Variants in IL17B observed in about 807,000 individuals in gnomAD.
IL17B encodes the protein interleukin 17B, also known as interleukin-17B.
In IL17B, 14 loss-of-function variants were observed where a neutral mutation model predicts 14.7. That is an observed-to-expected ratio of 0.95 (90% confidence interval 0.63 to 1.49). IL17B has a LOEUF of 1.49. IL17B is among the 40% of genes most tolerant of loss of function. The pLI is 0.00. For missense variants in IL17B, 233 were observed against 252.8 expected, an observed-to-expected ratio of 0.92 and a Z score of 0.53; for synonymous variants, 105 against 94.8, an observed-to-expected ratio of 1.11 and a Z score of -0.62.
chr5:149,395,460 A>G (rs1759073789), intron 1 of IL17B, among the ~76,000 whole-genome samples: 1 of 152,144 alleles, frequency 6.6e-6, no homozygotes, highest in African/African-American at 2.4e-5. Context: ...CAGACCACAG[A>G]TTTGGTAGAA....
intron 1 of IL17B, among the ~76,000 whole-genome samples, chr5:149,403,179 G>GGCTCAAGTGATCCTCCCAC (rs1759249701): frequency 6.6e-6 from 1 of 151,980 alleles, no homozygotes; most frequent in Non-Finnish European, 1.5e-5. Context: ...CTGCCTCCCA[G>GGCTCAAGTGATCCTCCCAC]GCTCAAGTGA....
At chr5:149,384,909 C>A (rs1758790092) in intron 1 of IL17B, among the ~76,000 whole-genome samples, 1 of 131,784 alleles carries the variant, frequency 7.6e-6, no homozygotes, top group African/African-American at 2.8e-5. Flanking sequence ...GGTTGTTGAG[C>A]TTTTTTTTTT....
At chr5:149,377,158 C>T in intron 1 of IL17B, 133 bp from the exon 2 acceptor site, 3 of 683,014 alleles carry the variant, frequency 4.4e-6, no homozygotes, top group Non-Finnish European at 7.2e-6. Flanking sequence ...TACCATCCCC[C>T]AGCTCTCCCT....
chr5:149,403,546 G>T (rs1273551996), intron 1 of IL17B, among the ~76,000 whole-genome samples: 1 of 152,142 alleles, frequency 6.6e-6, no homozygotes, highest in Non-Finnish European at 1.5e-5. Flanking sequence ...AGAACATATG[G>T]GGCTTGATTT....
upstream of IL17B, among the ~76,000 whole-genome samples, chr5:149,381,919 T>G (rs1305396704): frequency 6.6e-6 from 1 of 152,170 alleles, no homozygotes; most frequent in Non-Finnish European, 1.5e-5. Flanking sequence ...TCCTTGGGTC[T>G]TAACACGCAG....
chr5:149,386,581 T>G (rs1758832350), intron 1 of IL17B, among the ~76,000 whole-genome samples: 1 of 152,186 alleles, frequency 6.6e-6, no homozygotes, highest in Non-Finnish European at 1.5e-5. Context: ...TATAAGTTTC[T>G]AGGAGCTGTG....
intron 1 of IL17B, among the ~76,000 whole-genome samples, chr5:149,401,114 G>A (rs1403981179): frequency 2.6e-5 from 4 of 152,186 alleles, no homozygotes; most frequent in Non-Finnish European, 5.9e-5. Flanking sequence ...ACTTCTGATG[G>A]CAGTAGAGGT....
chr5:149,379,314 A>T, upstream of IL17B: 1 of 1,500,414 alleles, frequency 6.7e-7, no homozygotes, highest in Non-Finnish European at 9.2e-7. Flanking sequence ...GATGGAGCGA[A>T]GCAATTATAG....
intron 1 of IL17B, among the ~76,000 whole-genome samples, chr5:149,390,225 CCTCCCT>C (rs931758318): frequency 3.4e-5 from 5 of 146,684 alleles, no homozygotes; most frequent in African/African-American, 1.3e-4. Flanking sequence ...TGACCCCCCC[CCTCCCT>C]GTCCCTGGGG....
At chr5:149,383,849 G>A (rs1468496083), upstream of IL17B, among the ~76,000 whole-genome samples, 2 of 152,242 alleles carry the variant, frequency 1.3e-5, no homozygotes, top group African/African-American at 4.8e-5. Flanking sequence ...ATGTGAGTTG[G>A]GGTAGGACTC....
Position 149,374,847 on chromosome 5 carries a change from G to A in IL17B, c.312-247C>T, listed in dbSNP as rs985177785. The stretch of plus-strand genomic sequence containing the variant: ...ACCAGTCACCCAGCTTCCTTCTTTC[G>A]TGCAGCCAGATGCCCATCCCAGTAC... On this transcript the variant is annotated intron_variant, in intron 2 of 2. Transcript: ENST00000261796. This position sits in a 1 kb window ranked among gnomAD's most constrained non-coding sequence, Gnocchi z 5.0. The A allele has an allele frequency of 7.8e-5, 38 of 484,100 alleles. No homozygotes were observed. Among genetic ancestry groups the A allele is most frequent in the African/African-American group, 3.3e-4 (17 of 52,288 alleles). The allele number at this position is 484,100 out of a possible 1,614,324, so 30.0% of individuals were successfully genotyped here.
chr5:149,374,557 C>T lies in IL17B; in HGVS notation c.355G>A (p.Ala119Thr). 1 of 1,613,030 alleles carries T rather than the reference C, an allele frequency of 6.2e-7. No homozygotes were observed. The highest frequency in any genetic ancestry group is 8.5e-7 in the Non-Finnish European group (1 of 1,179,710). ...ACACAGCCCAGACACAGGCACCGTG[C>T]CTCCGGCAGGTCCACGGGGATACGG... is the stretch of plus-strand genomic sequence containing the variant. ...PSRIPVDLPE[A>T]RCLCLGCVNP... The change falls in exon 3 of 3, where the codon GCA becomes ACA. Residue 119 changes from alanine to threonine, a missense_variant. Ala to Thr is a moderately conservative substitution (Grantham distance 58). Transcript: ENST00000261796. This position sits in a 1 kb window ranked among gnomAD's most constrained non-coding sequence, Gnocchi z 5.0.
upstream of IL17B, among the ~76,000 whole-genome samples, chr5:149,381,119 C>T (rs964103516): frequency 5.9e-5 from 9 of 152,234 alleles, no homozygotes; most frequent in African/African-American, 2.2e-4. Context: ...CCCATATCCA[C>T]AGAACAGTGG....
rs960523837 is a variant in IL17B, at chr5:149,379,267, G to A, written c.-42C>T. On this transcript the variant is annotated 5_prime_UTR_variant, in exon 1 of 3. Transcript: ENST00000261796. Reference sequence around the variant, plus strand: ...GTCAGCCTGCAGCTGCTGCCCGCCTGGAACCCCAGATGCCGCCGAGAGAAT... The same window carrying A: ...GTCAGCCTGCAGCTGCTGCCCGCCTAGAACCCCAGATGCCGCCGAGAGAAT... 3 of 1,612,836 alleles carry A rather than the reference G, an allele frequency of 1.9e-6. No individual in the cohort carries two copies. Among genetic ancestry groups the A allele is most frequent in the African/African-American group, 1.3e-5 (1 of 74,870 alleles).
Position 149,376,950 on chromosome 5 carries a change from C to G in IL17B, c.97G>C (p.Gly33Arg), listed in dbSNP as rs147176226. 7.8e-5 allele frequency: 125 copies of G among 1,609,280 alleles called. No individual in the cohort carries two copies. The African/African-American group carries it at 1.6e-3, about 21-fold the overall frequency. ...CCAGGGGCCAGGGGCCCAGGCCGCC[C>G]TTGCCCCTTCCTCTTGCTTTTGGGG... ...RSPKSKRKGQ[G>R]RPGPLAPGPH... Residue 33 changes from glycine (G) to arginine (R), a missense_variant, in exon 2 of 3, where the codon GGG (glycine) becomes CGG (arginine). By Grantham distance (125) the Gly-to-Arg change is moderately radical. Coordinates refer to ENST00000261796, the MANE Select transcript of IL17B (RefSeq NM_014443.3).
In IL17B at chr5:149,376,757, C is replaced by G; in HGVS notation, c.290G>C (p.Ser97Thr). Residue 97 changes from serine to threonine, a missense_variant, in exon 2 of 3, where the codon AGC (serine) becomes ACC (threonine). Ser to Thr is a moderately conservative substitution (Grantham distance 58, BLOSUM62 1). Transcript: ENST00000261796. ...NLQLWMSNKR[S>T]LSPWGYSINH... Reference sequence around the variant, plus strand: ...CTACCTGTAGCCCCAGGGAGACAGGCTCCTCTTGTTGGACATCCACAGCTG... The same window carrying G: ...CTACCTGTAGCCCCAGGGAGACAGGGTCCTCTTGTTGGACATCCACAGCTG... 6.2e-7 allele frequency: 1 copy of G among 1,610,922 alleles called. No homozygotes were observed. Among genetic ancestry groups the G allele is most frequent in the Non-Finnish European group, 8.5e-7 (1 of 1,178,310 alleles).
upstream of IL17B, among the ~76,000 whole-genome samples, chr5:149,381,582 G>T (rs1581387704): frequency 6.6e-6 from 1 of 152,258 alleles, no homozygotes; most frequent in Non-Finnish European, 1.5e-5. Context: ...AGACCAAAGA[G>T]GCAGGCCAGT....
At chr5:149,392,991 T>C (rs1163683578) in intron 1 of IL17B, among the ~76,000 whole-genome samples, 38 of 149,614 alleles carry the variant, frequency 2.5e-4, no homozygotes, top group African/African-American at 8.4e-4. Flanking sequence ...TGTGTGTGCG[T>C]GTGTGTGCTG....
intron 1 of IL17B, among the ~76,000 whole-genome samples, chr5:149,389,487 G>GAGAGGAAAAGAGACTGAT (rs1388178434): frequency 6.6e-6 from 1 of 152,252 alleles, no homozygotes; most frequent in African/African-American, 2.4e-5. Flanking sequence ...CAGAAGTCCA[G>GAGAGGAAAAGAGACTGAT]AGAGGAAAAG....
Sources: allele counts gnomAD v4.1 joint callset (sites outside exome capture counted in the v4.1 genomes callset), GRCh38; gene constraint gnomAD v4.1.1; non-coding constraint Gnocchi (gnomAD v3.1); transcripts MANE v1.5; gene names NCBI Gene and HGNC (gene_info 2026-07-23, HGNC 2026-07-21).